The following ASTN1 variants were observed in gnomAD, a reference collection of about 807,000 sequenced individuals.
ASTN1 encodes the protein astrotactin 1.
A neutral mutation model predicts 140.7 loss-of-function variants in ASTN1; 41 were observed. That is an observed-to-expected ratio of 0.29 (90% CI 0.23 to 0.38). The LOEUF is 0.38. Among genes scored for constraint, ASTN1 ranks in the 10% least tolerant of loss-of-function variants. The pLI is 1.00. For missense variants in ASTN1, 1,479 were observed against 1,678.8 expected (o/e 0.88, Z 2.08); for synonymous variants, 640 against 652.2 (o/e 0.98, Z 0.29).
rs564780081 is a variant in ASTN1 at position 177,110,786 on chromosome 1, G to A, written c.284-49521C>T. 2.6e-5 allele frequency among the ~76,000 whole-genome samples: 4 copies of A among 152,286 alleles called. No individual in the cohort carries two copies. The South Asian group carries it at 8.3e-4, about 32-fold the overall frequency. Reference sequence around the variant, plus strand: ...ACAGTCGGGACTCAAGATTGTTTAAGCCCATACCCTGCGCTGTTACACCAA... The same window carrying A: ...ACAGTCGGGACTCAAGATTGTTTAAACCCATACCCTGCGCTGTTACACCAA... On this transcript the variant is annotated intron_variant, in intron 1 of 22. Transcript: ENST00000361833.
intron 14 of ASTN1, among the ~76,000 whole-genome samples, chr1:176,942,663 CCTCCTTTGGAAAGGCTAATCAGAAA>C (rs1411693127): frequency 6.6e-6 from 1 of 151,072 alleles, no homozygotes; most frequent in Non-Finnish European, 1.5e-5. Flanking sequence ...TATCTGATTG[CCTCCTTTGGAAAGGCTAATCAGAAA>C]CTCAAAAGAA....
intron 7 of ASTN1, among the ~76,000 whole-genome samples, chr1:177,016,373 G>A (rs951200436): frequency 2.0e-5 from 3 of 151,844 alleles, no homozygotes; most frequent in African/African-American, 7.3e-5. Context: ...CTCCTGCATG[G>A]TGAATTCTGG....
chr1:176,880,185 C>A (rs1002134683), intron 20 of ASTN1, among the ~76,000 whole-genome samples: 5 of 152,170 alleles, frequency 3.3e-5, no homozygotes, highest in African/African-American at 7.2e-5. Flanking sequence ...TTGGTGATGA[C>A]CCCAACGGAG....
chr1:176,937,135 C>T (rs1045897000), intron 14 of ASTN1, among the ~76,000 whole-genome samples: 1 of 152,188 alleles, frequency 6.6e-6, no homozygotes, highest in Non-Finnish European at 1.5e-5. Context: ...CTGTAATACA[C>T]CTGATTTTTA....
chr1:176,866,688 T>C (rs1402260783), intron 22 of ASTN1, among the ~76,000 whole-genome samples: 1 of 152,192 alleles, frequency 6.6e-6, no homozygotes, highest in Non-Finnish European at 1.5e-5. Flanking sequence ...GCCAAATTAA[T>C]TTTGGAGCCT....
At chr1:177,015,788 T>C (rs1265931902) in intron 7 of ASTN1, among the ~76,000 whole-genome samples, 1 of 152,186 alleles carries the variant, frequency 6.6e-6, no homozygotes, top group Admixed American at 6.5e-5. Context: ...CTCTATTTAC[T>C]ACCGATTTTG....
In ASTN1 at chr1:176,863,381, TA is replaced by T; in HGVS notation, c.*902del. On this transcript the variant is annotated 3_prime_UTR_variant, in exon 23 of 23. Coordinates refer to ENST00000361833, the MANE Select transcript of ASTN1 (RefSeq NM_004319.3). ...TGTCCAAGGTAAGAGGTGTGGGGGT[TA>T]AAGATAATCCAGGCACATGGATATA... is the stretch of plus-strand genomic sequence containing the variant. The T allele has an allele frequency of 8.1e-6, 8 of 985,844 alleles. No individual in the cohort carries two copies. The highest frequency in any genetic ancestry group is 9.6e-6 in the Non-Finnish European group (8 of 829,950). 61.1% of individuals were successfully genotyped at this position (985,844 alleles called of 1,614,324 possible). A position where few individuals can be genotyped will look rare whatever the true frequency, so the allele number is the denominator to read the frequency against.
chr1:176,979,655 G>A (rs537444399), intron 8 of ASTN1, among the ~76,000 whole-genome samples: 5 of 152,156 alleles, frequency 3.3e-5, no homozygotes, highest in East Asian at 1.9e-4. Flanking sequence ...AGCAGCATGC[G>A]GCAGAGTTCA....
At chr1:177,061,817 G>T (rs1223777650) in intron 1 of ASTN1, among the ~76,000 whole-genome samples, 1 of 152,176 alleles carries the variant, frequency 6.6e-6, no homozygotes, top group East Asian at 1.9e-4. Context: ...GTCCACTGGA[G>T]ATGTTTGCTA....
chr1:176,893,951 C>T lies in ASTN1; in HGVS notation c.2940+611G>A, dbSNP rs190275098. Among the ~76,000 whole-genome samples the T allele has an allele frequency of 4.8e-4, 73 of 152,246 alleles. 1 individual carries two copies. The highest frequency in any genetic ancestry group is 2.1e-4 in the South Asian group (1 of 4,822). The stretch of plus-strand genomic sequence containing the variant: ...CCTGGCATCTTTGGAAAGGGAGAGG[C>T]AGAGGCAAAGGAGGAGTGGTTGGGA... On this transcript the variant is annotated intron_variant, in intron 17 of 22. Transcript: ENST00000361833.
At chr1:177,033,359 G>A (rs61059374) in intron 2 of ASTN1, among the ~76,000 whole-genome samples, 7 of 152,128 alleles carry the variant, frequency 4.6e-5, no homozygotes, top group South Asian at 4.2e-4. Flanking sequence ...TCTAAACCTC[G>A]GATACGTCAT....
intron 1 of ASTN1, among the ~76,000 whole-genome samples, chr1:177,146,768 C>A (rs984101882): frequency 6.6e-5 from 10 of 152,076 alleles, no homozygotes; most frequent in South Asian, 2.1e-4. Context: ...AGTTCACTTT[C>A]AAAAAAATTT....
At chr1:176,961,732 G>T (rs1672674466) in intron 9 of ASTN1, among the ~76,000 whole-genome samples, 1 of 152,128 alleles carries the variant, frequency 6.6e-6, no homozygotes, top group Non-Finnish European at 1.5e-5. Flanking sequence ...AGAACAAACT[G>T]TCAGAGAAAA....
chr1:177,020,256 T>C (rs1427225117), intron 7 of ASTN1, among the ~76,000 whole-genome samples: 2 of 152,180 alleles, frequency 1.3e-5, no homozygotes, highest in African/African-American at 4.8e-5. Context: ...ACAAAGAAAG[T>C]GGTTTAAAAC....
chr1:176,884,567 A>T (rs995772842), intron 18 of ASTN1, 77 bp from the exon 19 acceptor site: 10 of 1,475,106 alleles, frequency 6.8e-6, no homozygotes, highest in Non-Finnish European at 7.4e-6. Context: ...CTCAATTGTG[A>T]TACTGTAAGC....
intron 7 of ASTN1, among the ~76,000 whole-genome samples, chr1:177,016,707 T>C (rs990995300): frequency 2.0e-5 from 3 of 152,124 alleles, no homozygotes; most frequent in Non-Finnish European, 2.9e-5. Flanking sequence ...AGGTTAGTCT[T>C]CCCCCATATG....
chr1:176,908,552 C>A (rs912165468), intron 16 of ASTN1, among the ~76,000 whole-genome samples: 1 of 152,170 alleles, frequency 6.6e-6, no homozygotes, highest in African/African-American at 2.4e-5. Context: ...TCTCATGGCA[C>A]AAGGCAGTCA....
chr1:177,002,364 G>A, intron 8 of ASTN1, among the ~76,000 whole-genome samples: 1 of 127,850 alleles, frequency 7.8e-6, no homozygotes, highest in African/African-American at 3.1e-5. Flanking sequence ...AATAAAATGT[G>A]CCTTACACAC....
intron 8 of ASTN1, among the ~76,000 whole-genome samples, chr1:176,974,336 CTG>C (rs1673270630): frequency 6.6e-6 from 1 of 151,792 alleles, no homozygotes; most frequent in African/African-American, 2.4e-5. Context: ...TAAATATTAA[CTG>C]TTATTATACA....
Sources: gnomAD v4.1 joint callset for allele counts (sites outside exome capture counted in the v4.1 genomes callset) on GRCh38, gnomAD v4.1.1 for gene constraint, MANE v1.5 for transcripts, NCBI Gene and HGNC (gene_info 2026-07-23, HGNC 2026-07-21) for gene names.